RGPD4: variants seen among roughly 807,000 people sequenced by gnomAD.
The protein encoded by RGPD4 is RANBP2 like and GRIP domain containing 4.
RGPD4 carries 84 observed loss-of-function variants against 141.1 expected under a neutral mutation model. The ratio of observed to expected loss-of-function variants is 0.60; its 90% CI spans 0.50 to 0.71. RGPD4 has a LOEUF of 0.71. Ranked by LOEUF, RGPD4 falls within the 30% of genes least tolerant of loss-of-function variation. The pLI is 0.00. For missense variants in RGPD4, 918 were observed against 1,622.4 expected, an observed-to-expected ratio of 0.57 and a Z score of 7.46; for synonymous variants, 298 against 566.8, an observed-to-expected ratio of 0.53 and a Z score of 6.74.
At chr2:107,846,569 C>T (rs543187039) in intron 6 of RGPD4, among the ~76,000 whole-genome samples, 6,656 of 149,446 alleles carry the variant, frequency 0.045, 212 homozygotes, top group Non-Finnish European at 0.063. Flanking sequence ...CAGGTTCAAG[C>T]GATTCTCCTG....
intron 1 of RGPD4, among the ~76,000 whole-genome samples, chr2:107,834,391 T>C (rs1167463421): frequency 6.6e-6 from 1 of 151,474 alleles, no homozygotes; most frequent in Non-Finnish European, 1.5e-5. Flanking sequence ...TGGAAGATTA[T>C]ATAAATAAAC....
Position 107,826,973 on chromosome 2 carries a change from G to C in RGPD4, c.-41G>C, listed in dbSNP as rs758317162. On this transcript the variant is annotated 5_prime_UTR_variant, in exon 1 of 23. Coordinates refer to ENST00000408999, the MANE Select transcript of RGPD4 (RefSeq NM_182588.3). ...GAATTGGCGACTGCTGCGGGGCTGA[G>C]CGCTGGTTTCACGCGTCTCGGGAGC... is the stretch of plus-strand genomic sequence containing the variant. 3.2e-6 allele frequency: 5 copies of C among 1,577,702 alleles called. No individual in the cohort carries two copies. Among genetic ancestry groups the C allele is most frequent in the Non-Finnish European group, 4.3e-6 (5 of 1,163,330 alleles).
intron 1 of RGPD4, among the ~76,000 whole-genome samples, chr2:107,832,917 C>CT (rs1279399657): frequency 3.4e-5 from 5 of 149,022 alleles, no homozygotes; most frequent in African/African-American, 5.0e-5. Flanking sequence ...ATTTCTTACC[C>CT]TTTTTTTTAA....
At chr2:107,829,875 C>T (rs1681413195) in intron 1 of RGPD4, among the ~76,000 whole-genome samples, 1 of 151,966 alleles carries the variant, frequency 6.6e-6, no homozygotes, top group African/African-American at 2.4e-5. Flanking sequence ...GGTTTCTTCC[C>T]ATCTCCTGGA....
intron 4 of RGPD4, among the ~76,000 whole-genome samples, chr2:107,841,201 G>A (rs1158667150): frequency 7.7e-6 from 1 of 129,450 alleles, no homozygotes; most frequent in Admixed American, 7.8e-5. Context: ...TCTGGTGTCA[G>A]TAGTGTTAAA....
At chr2:107,886,127 A>C (rs1223833894) in intron 22 of RGPD4, among the ~76,000 whole-genome samples, 2 of 146,692 alleles carry the variant, frequency 1.4e-5, no homozygotes, top group African/African-American at 5.0e-5. Flanking sequence ...GGAGAAACAA[A>C]AAACAAGAGT....
Position 107,872,021 on chromosome 2 carries a change from T to C in RGPD4, c.4017T>C (p.Val1339=). The C allele has an allele frequency of 6.2e-7, 1 of 1,611,424 alleles. No homozygotes were observed. The highest frequency in any genetic ancestry group is 8.5e-7 in the Non-Finnish European group (1 of 1,179,824). Reference sequence around the variant, plus strand: ...ATGGACAGTACTTTGAACCTGTTGTTCCTTTACCTGATCTAGTTGAAGTAT... The same window carrying C: ...ATGGACAGTACTTTGAACCTGTTGTCCCTTTACCTGATCTAGTTGAAGTAT... ...ERDGQYFEPV[V]PLPDLVEVSS... Residue 1339 remains valine (V), a synonymous_variant, in exon 20 of 23, where the codon GTT becomes GTC. Transcript: ENST00000408999.
intron 21 of RGPD4, among the ~76,000 whole-genome samples, chr2:107,881,940 C>T (rs2433700): frequency 6.6e-6 from 1 of 151,974 alleles, no homozygotes; most frequent in East Asian, 1.9e-4. Context: ...CCTGGGACTT[C>T]AGGAACAGCG....
intron 6 of RGPD4, among the ~76,000 whole-genome samples, chr2:107,844,652 A>G (rs2557923): frequency 0.61 from 61,284 of 100,078 alleles, 19,806 homozygotes; most frequent in Middle Eastern, 0.71. Context: ...TAGGGTAAGA[A>G]CAGTATCTAA....
At chr2:107,883,630 A>T (rs1289443241) in intron 22 of RGPD4, among the ~76,000 whole-genome samples, 2 of 62,040 alleles carry the variant, frequency 3.2e-5, no homozygotes, top group African/African-American at 1.9e-4. Flanking sequence ...CATCTCAAAA[A>T]AAAAAAAAAC....
intron 1 of RGPD4, among the ~76,000 whole-genome samples, chr2:107,834,480 G>C (rs1480425260): frequency 1.3e-5 from 2 of 152,064 alleles, no homozygotes; most frequent in South Asian, 2.1e-4. Context: ...TCCTACCCAG[G>C]ACACGAATCA....
intron 17 of RGPD4, among the ~76,000 whole-genome samples, chr2:107,863,528 T>A (rs1313771215): frequency 6.6e-6 from 1 of 150,536 alleles, no homozygotes; most frequent in Non-Finnish European, 1.5e-5. Context: ...AGGCTCGCTC[T>A]GTTGCCCAGG....
At chr2:107,863,347 AG>A (rs1682618754) in intron 17 of RGPD4, among the ~76,000 whole-genome samples, 1 of 96,038 alleles carries the variant, frequency 1.0e-5, no homozygotes, top group African/African-American at 4.4e-5. Flanking sequence ...TTTTTTGTAG[AG>A]ATGGGATTTT....
chr2:107,834,037 T>C (rs1156508726), intron 1 of RGPD4, among the ~76,000 whole-genome samples: 11 of 151,368 alleles, frequency 7.3e-5, no homozygotes, highest in African/African-American at 2.7e-4. Context: ...GGAACAAGCC[T>C]TGTTCCTATA....
intron 22 of RGPD4, among the ~76,000 whole-genome samples, chr2:107,884,405 GTTGT>G (rs1675454320): frequency 6.6e-6 from 1 of 151,778 alleles, no homozygotes; most frequent in African/African-American, 2.4e-5. Context: ...CGGCCATTTT[GTTGT>G]TTTTTTATCT....
At chr2:107,881,013 G>T (rs1444720818) in intron 21 of RGPD4, among the ~76,000 whole-genome samples, 1 of 151,708 alleles carries the variant, frequency 6.6e-6, no homozygotes, top group Non-Finnish European at 1.5e-5. Context: ...GAGAAAAATT[G>T]AAGCTGGTAA....
At chr2:107,887,317 G>GCTAATGTTGAATCTAGTAAGT (rs1675544102) in intron 22 of RGPD4, among the ~76,000 whole-genome samples, 2 of 152,104 alleles carry the variant, frequency 1.3e-5, no homozygotes, top group Admixed American at 6.5e-5. Flanking sequence ...ATCTAGTAAG[G>GCTAATGTTGAATCTAGTAAGT]CTAATGTTGA....
At chr2:107,855,542 G>A (rs1024225691) in intron 8 of RGPD4, among the ~76,000 whole-genome samples, 1 of 151,776 alleles carries the variant, frequency 6.6e-6, no homozygotes, top group African/African-American at 2.4e-5. Context: ...GGCATCCCGA[G>A]GGTGCCTCTG....
rs1681859511 is a variant in RGPD4, at chr2:107,844,823, C to CTTTTTTTTTTTT, written c.782+1099_782+1100insTTTTTTTTTTTT. Among the ~76,000 whole-genome samples, 5 of 53,838 alleles carry CTTTTTTTTTTTT rather than the reference C, an allele frequency of 9.3e-5. 1 individual carries two copies. Among genetic ancestry groups the CTTTTTTTTTTTT allele is most frequent in the African/African-American group, 1.4e-4 (2 of 14,604 alleles). 35.3% of individuals were successfully genotyped at this position (53,838 alleles called of 152,430 possible). A position where few individuals can be genotyped will look rare whatever the true frequency, so the allele number is the denominator to read the frequency against. The stretch of plus-strand genomic sequence containing the variant: ...GGTTCCTTTCTTTCTTTCTTTCTTT[C>CTTTTTTTTTTTT]TTTTTTGTTTTTTTTTTTTTTTTTT... On this transcript the variant is annotated intron_variant, in intron 6 of 22. Transcript: ENST00000408999.
Sources: allele counts gnomAD v4.1 joint callset (sites outside exome capture counted in the v4.1 genomes callset), GRCh38; gene constraint gnomAD v4.1.1; transcripts MANE v1.5; gene names NCBI Gene and HGNC (gene_info 2026-07-23, HGNC 2026-07-21).